Variants in SGCZ observed in about 807,000 individuals in gnomAD.
The protein encoded by SGCZ is sarcoglycan zeta, also known as zeta-sarcoglycan.
SGCZ carries 40 observed loss-of-function variants against 41.3 expected under a neutral mutation model. The ratio of observed to expected loss-of-function variants is 0.97; its 90% CI spans 0.75 to 1.26. The LOEUF is 1.26. Ranked by LOEUF, SGCZ falls within the 50% of genes most tolerant of loss-of-function variation. The probability of loss-of-function intolerance (pLI) is 0.00; values close to 1 mark genes in which losing one functional copy is unlikely to be tolerated. For missense variants in SGCZ, 552 were observed against 369.8 expected, an observed-to-expected ratio of 1.49 and a Z score of -4.04; for synonymous variants, 206 against 137.5, an observed-to-expected ratio of 1.50 and a Z score of -3.49.
At chr8:14,373,199 G>T (rs559491856) in intron 2 of SGCZ, among the ~76,000 whole-genome samples, 1 of 152,190 alleles carries the variant, frequency 6.6e-6, no homozygotes, top group South Asian at 2.1e-4. Flanking sequence ...AGAAAGAGTG[G>T]GGTGGCTCCC....
At chr8:14,948,414 G>C (rs1800523726) in intron 1 of SGCZ, among the ~76,000 whole-genome samples, 1 of 152,004 alleles carries the variant, frequency 6.6e-6, no homozygotes, top group African/African-American at 2.4e-5. Context: ...TATTAACTCT[G>C]TTTGAATGGA....
At chr8:14,905,892 T>G (rs987041568) in intron 1 of SGCZ, among the ~76,000 whole-genome samples, 1 of 151,970 alleles carries the variant, frequency 6.6e-6, no homozygotes, top group African/African-American at 2.4e-5. Flanking sequence ...CATACACCTA[T>G]GTATACAAAT....
At chr8:15,199,592 A>G (rs1386104252) in intron 1 of SGCZ, among the ~76,000 whole-genome samples, 1 of 152,266 alleles carries the variant, frequency 6.6e-6, no homozygotes, top group South Asian at 2.1e-4. Flanking sequence ...TTAGAAAGTA[A>G]ATTAATAGAT....
intron 4 of SGCZ, among the ~76,000 whole-genome samples, chr8:14,228,143 T>A (rs1456116826): frequency 6.6e-6 from 1 of 152,108 alleles, no homozygotes; most frequent in African/African-American, 2.4e-5. Flanking sequence ...TTATGCCCCA[T>A]TAACCAAATT....
At chr8:14,346,419 T>C (rs1177842805) in intron 2 of SGCZ, among the ~76,000 whole-genome samples, 2 of 152,022 alleles carry the variant, frequency 1.3e-5, no homozygotes, top group South Asian at 4.1e-4. Context: ...CTTTGAGTGA[T>C]TTACTAAAAT....
In SGCZ at chr8:14,860,192, T is replaced by C. The variant is rs563648681; in HGVS notation, c.40-305266A>G. ...AGAAAATGCTACACAAAGTCTTTTT[T>C]TTTGTCTTTTTTTTTTCTTCTTATT... On this transcript the variant is annotated intron_variant, in intron 1 of 7. Coordinates refer to ENST00000382080, the MANE Select transcript of SGCZ (RefSeq NM_139167.4). Among the ~76,000 whole-genome samples, 6 of 152,138 alleles carry C rather than the reference T, an allele frequency of 3.9e-5. No individual in the cohort carries two copies. The South Asian group carries it at 6.2e-4, about 16-fold the overall frequency.
At chr8:14,954,793 T>C (rs10096113) in intron 1 of SGCZ, among the ~76,000 whole-genome samples, 41,312 of 152,030 alleles carry the variant, frequency 0.27, 5,880 homozygotes, top group African/African-American at 0.33. Context: ...GCCTGCGAGA[T>C]ACACTGAAGC....
intron 1 of SGCZ, among the ~76,000 whole-genome samples, chr8:15,022,862 T>A (rs368462942): frequency 6.5e-4 from 99 of 152,360 alleles, no homozygotes; most frequent in African/African-American, 2.3e-3. Flanking sequence ...CTACATTTCA[T>A]AGATAAAGAC....
In SGCZ at chr8:14,141,646, C is replaced by T. The variant is rs187079276; in HGVS notation, c.547+22934G>A. ...ATCTTACACCAGTTAGAATGGCGATCATTAAAAAGTCGGGAAACAACAGAT... is the reference window on the plus strand; with the variant it reads ...ATCTTACACCAGTTAGAATGGCGATTATTAAAAAGTCGGGAAACAACAGAT... On this transcript the variant is annotated intron_variant, in intron 5 of 7. Transcript: ENST00000382080. Among the ~76,000 whole-genome samples the T allele has an allele frequency of 1.3e-3, 197 of 152,212 alleles. No individual in the cohort carries two copies. The East Asian group carries it at 0.018, about 14-fold the overall frequency.
intron 2 of SGCZ, among the ~76,000 whole-genome samples, chr8:14,402,139 G>C (rs964885417): frequency 7.9e-5 from 12 of 152,052 alleles, no homozygotes; most frequent in African/African-American, 2.9e-4. Context: ...GGGGTTGTTT[G>C]TTTTCTTCTT....
intron 1 of SGCZ, among the ~76,000 whole-genome samples, chr8:15,056,455 T>C (rs188179131): frequency 6.6e-6 from 1 of 152,092 alleles, no homozygotes; most frequent in Admixed American, 6.6e-5. Flanking sequence ...CCATTGTAAG[T>C]TGAACAAAAA....
chr8:14,136,277 G>A (rs970836922), intron 5 of SGCZ, among the ~76,000 whole-genome samples: 1 of 152,238 alleles, frequency 6.6e-6, no homozygotes, highest in African/African-American at 2.4e-5. Flanking sequence ...CTGAGGTACC[G>A]GGTTAATCTC....
chr8:14,643,904 C>T (rs11781218), intron 1 of SGCZ, among the ~76,000 whole-genome samples: 1 of 151,514 alleles, frequency 6.6e-6, no homozygotes, highest in Non-Finnish European at 1.5e-5. Context: ...AAGAATAGAA[C>T]TGCAATGTAT....
intron 1 of SGCZ, among the ~76,000 whole-genome samples, chr8:15,185,178 A>G (rs950568871): frequency 3.3e-5 from 5 of 152,220 alleles, no homozygotes; most frequent in Admixed American, 2.0e-4. Flanking sequence ...GCATTAAAAG[A>G]TCAAAGTTAG....
At chr8:14,490,995 A>T (rs191115693) in intron 2 of SGCZ, among the ~76,000 whole-genome samples, 1,799 of 152,290 alleles carry the variant, frequency 0.012, 18 homozygotes, top group Middle Eastern at 0.044. Flanking sequence ...CTTGAAAATT[A>T]TTCCTGTCTC....
chr8:14,574,695 T>C (rs1483620242), intron 1 of SGCZ, among the ~76,000 whole-genome samples: 1 of 152,204 alleles, frequency 6.6e-6, no homozygotes, highest in Non-Finnish European at 1.5e-5. Context: ...CATGGTCATG[T>C]AAAACTGTGG....
Position 14,556,798 on chromosome 8 carries a change from T to A in SGCZ, c.40-1872A>T, listed in dbSNP as rs771147679. ...TTCCTTCCTTTTTATGGCTGAGTAG[T>A]ATTCCACTGTACATATATATACCAC... On this transcript the variant is annotated intron_variant, in intron 1 of 7. Transcript: ENST00000382080. 1.6e-4 allele frequency among the ~76,000 whole-genome samples: 25 copies of A among 152,110 alleles called. 1 individual carries two copies. The highest frequency in any genetic ancestry group is 3.5e-4 in the Non-Finnish European group (24 of 67,996).
At chr8:14,996,332 C>G (rs1802217691) in intron 1 of SGCZ, among the ~76,000 whole-genome samples, 2 of 152,230 alleles carry the variant, frequency 1.3e-5, no homozygotes, top group African/African-American at 4.8e-5. Flanking sequence ...TGCACCCTGA[C>G]AACTGGTGCA....
At chr8:14,868,565 G>C (rs969448194) in intron 1 of SGCZ, among the ~76,000 whole-genome samples, 1 of 152,098 alleles carries the variant, frequency 6.6e-6, no homozygotes, top group Non-Finnish European at 1.5e-5. Context: ...TGATTTTCTG[G>C]AGAGAGTAAT....
Sources: allele counts gnomAD v4.1 joint callset (sites outside exome capture counted in the v4.1 genomes callset), GRCh38; gene constraint gnomAD v4.1.1; transcripts MANE v1.5; gene names NCBI Gene and HGNC (gene_info 2026-07-23, HGNC 2026-07-21).